The following PRRX1 variants were observed in gnomAD, a reference collection of about 807,000 sequenced individuals.
The protein encoded by PRRX1 is paired mesoderm homeobox protein 1.
PRRX1 carries 8 observed loss-of-function variants against 24.0 expected under a neutral mutation model. The ratio of observed to expected loss-of-function variants is 0.33; its 90% CI spans 0.20 to 0.60. The LOEUF (loss-of-function observed/expected upper bound fraction) is 0.60, where lower values mean the gene tolerates loss of function less well. Ranked by LOEUF, PRRX1 falls within the 20% of genes least tolerant of loss-of-function variation. The pLI is 0.82. For missense variants in PRRX1, 281 were observed against 322.4 expected, an observed-to-expected ratio of 0.87 and a Z score of 0.98; for synonymous variants, 160 against 131.7, an observed-to-expected ratio of 1.22 and a Z score of -1.47.
chr1:170,684,957 C>T (rs1054769999), intron 1 of PRRX1, among the ~76,000 whole-genome samples: 1 of 152,124 alleles, frequency 6.6e-6, no homozygotes, highest in Non-Finnish European at 1.5e-5. Flanking sequence ...ATTAGGTAGA[C>T]CATGCAGAGA....
At position 170,672,828 on chromosome 1, in the gene PRRX1, A is replaced by T. The variant is rs557825701; in HGVS notation, c.241+8369A>T. Among the ~76,000 whole-genome samples the T allele has an allele frequency of 6.0e-4, 91 of 152,174 alleles. No homozygotes were observed. In the Middle Eastern group the frequency reaches 0.01, roughly 17 times the overall value. ...TGTTAGTCTTCAAAGGGATTGTTAGATTTGGTTTGGGCCGGGAGGGTGGTG... is the reference window on the plus strand; with the variant it reads ...TGTTAGTCTTCAAAGGGATTGTTAGTTTTGGTTTGGGCCGGGAGGGTGGTG... On this transcript the variant is annotated intron_variant, in intron 1 of 3. Coordinates refer to ENST00000239461, the MANE Select transcript of PRRX1 (RefSeq NM_022716.4).
intron 1 of PRRX1, among the ~76,000 whole-genome samples, chr1:170,697,627 T>C (rs575317671): frequency 6.7e-6 from 1 of 149,720 alleles, no homozygotes; most frequent in Admixed American, 6.7e-5. Context: ...GCTGGAATCC[T>C]TAAAAAAAGA....
At chr1:170,729,973 G>C (rs1353065096) in intron 3 of PRRX1, among the ~76,000 whole-genome samples, 1 of 152,202 alleles carries the variant, frequency 6.6e-6, no homozygotes, top group Non-Finnish European at 1.5e-5. Flanking sequence ...GATCAACCAA[G>C]TCCTGAACTT....
intron 2 of PRRX1, among the ~76,000 whole-genome samples, chr1:170,725,040 C>T (rs1263701628): frequency 1.3e-5 from 2 of 152,176 alleles, no homozygotes; most frequent in Non-Finnish European, 2.9e-5. Context: ...CTCTTTGTAG[C>T]AATTGTGAAT....
chr1:170,696,118 A>G (rs1344500710), intron 1 of PRRX1, among the ~76,000 whole-genome samples: 4 of 152,162 alleles, frequency 2.6e-5, no homozygotes, highest in Non-Finnish European at 5.9e-5. Context: ...TCACTCATTC[A>G]AGGTGCAAGG....
chr1:170,664,183 G>C lies in PRRX1; in HGVS notation c.-36G>C, dbSNP rs1388085839. ...ACAGCGTTTGGTGTTGATTCGAGCG[G>C]GAAGAGGGGGGTGGGTGGGATCGGT... On this transcript the variant is annotated 5_prime_UTR_variant, in exon 1 of 4. Transcript: ENST00000239461. 1 of 1,592,932 alleles carries C rather than the reference G, an allele frequency of 6.3e-7. No homozygotes were observed. Among genetic ancestry groups the C allele is most frequent in the East Asian group, 2.3e-5 (1 of 44,286 alleles).
upstream of PRRX1, chr1:170,663,502 T>A (rs528420021): frequency 5.3e-5 from 8 of 150,200 alleles, no homozygotes; most frequent in Non-Finnish European, 1.2e-4. Flanking sequence ...AATTCTTAAT[T>A]TTTTTTTTTA....
chr1:170,732,304 C>T (rs961482789), intron 3 of PRRX1, among the ~76,000 whole-genome samples: 15 of 152,132 alleles, frequency 9.9e-5, no homozygotes, highest in Admixed American at 1.3e-4. Context: ...CAGAAGTCTC[C>T]GTGACATGGA....
At chr1:170,683,306 T>G (rs367945809) in intron 1 of PRRX1, among the ~76,000 whole-genome samples, 1 of 151,836 alleles carries the variant, frequency 6.6e-6, no homozygotes, top group African/African-American at 2.4e-5. Flanking sequence ...AGAGCAGCAG[T>G]GGTCGGCACC....
At position 170,675,575 on chromosome 1, in the gene PRRX1, C is replaced by G. The variant is rs1048034055; in HGVS notation, c.241+11116C>G. Among the ~76,000 whole-genome samples the G allele has an allele frequency of 2.0e-5, 3 of 152,132 alleles. 1 individual carries two copies. In the East Asian group the frequency reaches 5.8e-4, roughly 29 times the overall value. On this transcript the variant is annotated intron_variant, in intron 1 of 3. Coordinates refer to ENST00000239461, the MANE Select transcript of PRRX1 (RefSeq NM_022716.4). The stretch of plus-strand genomic sequence containing the variant: ...GGTATACGTAAGATAGTGACATCTT[C>G]CAGGACATGATAGTGTGGTTTGACA...
intron 1 of PRRX1, among the ~76,000 whole-genome samples, chr1:170,697,843 TA>T (rs201662765): frequency 0.035 from 5,178 of 148,072 alleles, 152 homozygotes; most frequent in Middle Eastern, 0.08. Flanking sequence ...TATATAGATA[TA>T]CAAATATGTA....
In PRRX1 at chr1:170,737,442, A is replaced by G; in HGVS notation, c.*1256A>G. 5.0e-6 allele frequency: 1 copy of G among 199,402 alleles called. No individual in the cohort carries two copies. The highest frequency in any genetic ancestry group is 1.0e-5 in the Non-Finnish European group (1 of 96,548). The allele number at this position is 199,402 out of a possible 1,614,324, so 12.4% of individuals were successfully genotyped here. A position where few individuals can be genotyped will look rare whatever the true frequency, so the allele number is the denominator to read the frequency against. On this transcript the variant is annotated 3_prime_UTR_variant, in exon 4 of 4. Coordinates refer to ENST00000239461, the MANE Select transcript of PRRX1 (RefSeq NM_022716.4). The stretch of plus-strand genomic sequence containing the variant: ...AAAATGTCCTTGAGTTTGGAGCCTG[A>G]GCTCTGGTGAAATGCTGATACATCT...
At chr1:170,675,239 G>A (rs1653278815) in intron 1 of PRRX1, among the ~76,000 whole-genome samples, 1 of 152,214 alleles carries the variant, frequency 6.6e-6, no homozygotes, top group East Asian at 1.9e-4. Flanking sequence ...TTCTAGCTGG[G>A]AAACTTCCCT....
intron 1 of PRRX1, among the ~76,000 whole-genome samples, chr1:170,674,081 A>G (rs1320746371): frequency 1.3e-5 from 2 of 152,248 alleles, no homozygotes; most frequent in Admixed American, 6.5e-5. Context: ...TAGAACTCAC[A>G]ATCACTTTTC....
At chr1:170,666,389 G>A (rs994628772) in intron 1 of PRRX1, among the ~76,000 whole-genome samples, 22 of 126,252 alleles carry the variant, frequency 1.7e-4, no homozygotes, top group South Asian at 1.4e-3. Context: ...CTGCACTCCA[G>A]TCTGGATGAC....
At chr1:170,722,934 C>T (rs959251765) in intron 2 of PRRX1, among the ~76,000 whole-genome samples, 2 of 152,140 alleles carry the variant, frequency 1.3e-5, no homozygotes, top group African/African-American at 4.8e-5. Flanking sequence ...TAATTTTGAG[C>T]ACAGGGTAGG....
chr1:170,669,447 A>AAAAAAAAAAAAAAAAC, intron 1 of PRRX1: 1 of 147,660 alleles, frequency 6.8e-6, no homozygotes, highest in Non-Finnish European at 1.5e-5. Context: ...AAAAAAAAAA[A>AAAAAAAAAAAAAAAAC]AAAAAAATTC....
chr1:170,711,165 A>G (rs568165075), intron 1 of PRRX1, among the ~76,000 whole-genome samples: 9 of 152,164 alleles, frequency 5.9e-5, no homozygotes, highest in Non-Finnish European at 1.2e-4. Flanking sequence ...GCATGTTTTC[A>G]TCTTCAGATT....
At chr1:170,677,064 T>TA (rs577139367) in intron 1 of PRRX1, among the ~76,000 whole-genome samples, 10 of 151,942 alleles carry the variant, frequency 6.6e-5, no homozygotes, top group Admixed American at 5.2e-4. Flanking sequence ...CAAGTAACAA[T>TA]AAAAAAAACA....
Sources: gnomAD v4.1 joint callset for allele counts (sites outside exome capture counted in the v4.1 genomes callset) on GRCh38, gnomAD v4.1.1 for gene constraint, MANE v1.5 for transcripts, NCBI Gene and HGNC (gene_info 2026-07-23, HGNC 2026-07-21) for gene names.